The following CCN4 variants were observed in gnomAD, a reference collection of about 807,000 sequenced individuals.
The protein encoded by CCN4 is CCN family member 4.
CCN4 carries 30 observed loss-of-function variants against 36.7 expected under a neutral mutation model. The ratio of observed to expected loss-of-function variants is 0.82; its 90% CI spans 0.61 to 1.11. The LOEUF is 1.11. Among genes scored for constraint, CCN4 ranks in the 50% least tolerant of loss-of-function variants. CCN4 has a pLI of 0.00. For synonymous variants in CCN4, 191 were observed against 195.4 expected (o/e 0.98, Z 0.19); for missense variants, 505 against 504.9 (o/e 1.00, Z 0.00).
At chr8:133,215,753 A>C (rs1217268278) in intron 2 of CCN4, among the ~76,000 whole-genome samples, 1 of 152,156 alleles carries the variant, frequency 6.6e-6, no homozygotes, top group East Asian at 1.9e-4. Flanking sequence ...TGTAGGCTAA[A>C]GGAGATTGTA....
chr8:133,198,336 A>G (rs1853463237), intron 1 of CCN4, among the ~76,000 whole-genome samples: 1 of 152,042 alleles, frequency 6.6e-6, no homozygotes, highest in African/African-American at 2.4e-5. Flanking sequence ...TCTTTTGTCA[A>G]TCCTCAAAGT....
chr8:133,212,732 A>C, intron 1 of CCN4, 132 bp from the exon 2 acceptor site: 1 of 736,948 alleles, frequency 1.4e-6, no homozygotes, highest in Non-Finnish European at 2.2e-6. Flanking sequence ...TGGCTATCAA[A>C]AGCGTGATAG....
chr8:133,192,752 C>T (rs1255728746), intron 1 of CCN4, among the ~76,000 whole-genome samples: 1 of 152,146 alleles, frequency 6.6e-6, no homozygotes, highest in African/African-American at 2.4e-5. Flanking sequence ...AAGCCAAAGT[C>T]TGAGTGGGCA....
intron 3 of CCN4, among the ~76,000 whole-genome samples, chr8:133,222,736 C>T (rs559833676): frequency 4.0e-5 from 6 of 151,098 alleles, no homozygotes; most frequent in Non-Finnish European, 5.9e-5. Flanking sequence ...AAAGTGCTTA[C>T]GAGGCAAGCA....
At chr8:133,197,371 A>T (rs1588180431) in intron 1 of CCN4, among the ~76,000 whole-genome samples, 2 of 152,292 alleles carry the variant, frequency 1.3e-5, no homozygotes, top group East Asian at 3.9e-4. Context: ...AGCTCGGAGA[A>T]CATGGGAGAT....
Position 133,191,152 on chromosome 8 carries a change from G to A in CCN4, c.8G>A (p.Trp3Ter). 6.2e-7 allele frequency: 1 copy of A among 1,606,864 alleles called. No homozygotes were observed. Among genetic ancestry groups the A allele is most frequent in the Non-Finnish European group, 8.5e-7 (1 of 1,179,888 alleles). The change falls in exon 1 of 5, where the codon TGG becomes TAG. Residue 3 changes from tryptophan (W) to a stop codon, truncating the protein, a stop_gained. Coordinates refer to ENST00000250160, the MANE Select transcript of CCN4 (RefSeq NM_003882.4). LOFTEE classifies it high-confidence loss of function. The stretch of plus-strand genomic sequence containing the variant: ...TGCCACTGACGTCCAGGCATGAGGT[G>A]GTTCCTGCCCTGGACGCTGGCAGCA... The part of the protein sequence containing the change: MR[W>*]FLPWTLAAVT...
chr8:133,217,314 A>T (rs1455684345), intron 2 of CCN4, among the ~76,000 whole-genome samples: 1 of 152,254 alleles, frequency 6.6e-6, no homozygotes, highest in Non-Finnish European at 1.5e-5. Context: ...CCCTGCTGAC[A>T]GCGTGAGCTG....
At chr8:133,192,314 G>A (rs1413559281) in intron 1 of CCN4, among the ~76,000 whole-genome samples, 3 of 152,184 alleles carry the variant, frequency 2.0e-5, no homozygotes, top group Non-Finnish European at 4.4e-5. Context: ...ACTGAGACCT[G>A]GGAAATAGGA....
intron 1 of CCN4, among the ~76,000 whole-genome samples, chr8:133,207,489 C>G (rs1039804933): frequency 6.6e-6 from 1 of 152,218 alleles, no homozygotes; most frequent in Non-Finnish European, 1.5e-5. Flanking sequence ...GCACGGTGTT[C>G]CCTGTGCAGT....
At chr8:133,223,980 A>G (rs1854628873) in intron 3 of CCN4, among the ~76,000 whole-genome samples, 1 of 152,160 alleles carries the variant, frequency 6.6e-6, no homozygotes, top group African/African-American at 2.4e-5. Context: ...TGACAGTCAA[A>G]TGACCACACA....
intron 2 of CCN4, among the ~76,000 whole-genome samples, chr8:133,217,279 G>A (rs1367016885): frequency 2.0e-5 from 3 of 152,204 alleles, no homozygotes; most frequent in Non-Finnish European, 4.4e-5. Flanking sequence ...AACAAACAGA[G>A]CTACAACAAG....
At chr8:133,220,441 C>T (rs1349067294) in intron 2 of CCN4, 140 bp from the exon 3 acceptor site, 6 of 1,276,044 alleles carry the variant, frequency 4.7e-6, no homozygotes, top group African/African-American at 4.4e-5. Context: ...CCTGCCTTTG[C>T]CTTTGTGCCT....
Position 133,230,332 on chromosome 8 carries a change from T to C in CCN4, c.*2622T>C, listed in dbSNP as rs923685288. The C allele has an allele frequency of 1.3e-5, 2 of 152,164 alleles. No homozygotes were observed. The highest frequency in any genetic ancestry group is 4.1e-4 in the South Asian group (2 of 4,832). The allele number at this position is 152,164 out of a possible 1,614,324, so 9.4% of individuals were successfully genotyped here. On this transcript the variant is annotated 3_prime_UTR_variant, in exon 5 of 5. Coordinates refer to ENST00000250160, the MANE Select transcript of CCN4 (RefSeq NM_003882.4). ...CAATAAAAATTAAGAATAATAAATATAATGGAAAAAAATCTCCACTGATTG... is the reference window on the plus strand; with the variant it reads ...CAATAAAAATTAAGAATAATAAATACAATGGAAAAAAATCTCCACTGATTG...
chr8:133,192,352 A>G (rs143152999), intron 1 of CCN4, among the ~76,000 whole-genome samples: 1 of 152,204 alleles, frequency 6.6e-6, no homozygotes, highest in Admixed American at 6.5e-5. Flanking sequence ...GGTGTGTGTA[A>G]TGATGGCGGG....
intron 1 of CCN4, among the ~76,000 whole-genome samples, chr8:133,195,068 T>A (rs1236127658): frequency 6.9e-6 from 1 of 145,538 alleles, no homozygotes; most frequent in Non-Finnish European, 1.5e-5. Context: ...GTGTGTATTA[T>A]GTATGTAGTG....
intron 3 of CCN4, among the ~76,000 whole-genome samples, chr8:133,222,521 C>T (rs761776057): frequency 1.3e-5 from 2 of 151,476 alleles, no homozygotes; most frequent in Non-Finnish European, 2.9e-5. Flanking sequence ...CTTGGAGCTG[C>T]TGGTGGTGAT....
chr8:133,195,565 C>A (rs895199745), intron 1 of CCN4, among the ~76,000 whole-genome samples: 1 of 152,098 alleles, frequency 6.6e-6, no homozygotes, highest in Admixed American at 6.5e-5. Flanking sequence ...CTCCCTGAAG[C>A]CCCTGCTGCC....
Position 133,227,434 on chromosome 8 carries a change from G to A in CCN4, c.828G>A (p.Val276=), listed in dbSNP as rs1336049088. Residue 276 remains valine, a synonymous_variant, in exon 5 of 5, where the codon GTG becomes GTA. Transcript: ENST00000250160. ...LIKAGKKCLA[V]YQPEASMNFT... is the part of the protein sequence containing the mutation. ...AGGCAGGGAAGAAGTGTCTGGCTGT[G>A]TACCAGCCAGAGGCATCCATGAACT... 6.2e-7 allele frequency: 1 copy of A among 1,613,794 alleles called. No homozygotes were observed. The highest frequency in any genetic ancestry group is 1.7e-5 in the Admixed American group (1 of 60,014).
chr8:133,224,229 C>CTTTTT lies in CCN4; in HGVS notation c.611-1136_611-1132dup, dbSNP rs59929763. Among the ~76,000 whole-genome samples the CTTTTT allele has an allele frequency of 3.4e-5, 3 of 88,514 alleles. 1 individual carries two copies. Among genetic ancestry groups the CTTTTT allele is most frequent in the East Asian group, 3.8e-4 (1 of 2,640 alleles). 58.1% of individuals were successfully genotyped at this position (88,514 alleles called of 152,430 possible). A position where few individuals can be genotyped will look rare whatever the true frequency, so the allele number is the denominator to read the frequency against. ...GATTTGAATTTGAAGCCCGTAAGTC[C>CTTTTT]TTTTTTTTTTTTTTTTTTTTTTTTT... On this transcript the variant is annotated intron_variant, in intron 3 of 4. Coordinates refer to ENST00000250160, the MANE Select transcript of CCN4 (RefSeq NM_003882.4).
Sources: allele counts gnomAD v4.1 joint callset (sites outside exome capture counted in the v4.1 genomes callset), GRCh38; gene constraint gnomAD v4.1.1; transcripts MANE v1.5; gene names NCBI Gene and HGNC (gene_info 2026-07-23, HGNC 2026-07-21).